The following SNX29 variants were observed in gnomAD, a reference collection of about 807,000 sequenced individuals.
SNX29 encodes the protein sorting nexin-29.
Under a neutral mutation model 102.1 loss-of-function variants are expected in SNX29, and 78 were observed. The observed-to-expected ratio is 0.76, with a 90% confidence interval of 0.64 to 0.92. The LOEUF (loss-of-function observed/expected upper bound fraction) is 0.92. Among genes scored for constraint, SNX29 ranks in the 40% least tolerant of loss-of-function variants. The pLI is 0.00. For synonymous variants in SNX29, 580 were observed against 414.5 expected, an observed-to-expected ratio of 1.40 and a Z score of -4.85; for missense variants, 1,280 against 1,061.7, an observed-to-expected ratio of 1.21 and a Z score of -2.86.
intron 20 of SNX29, among the ~76,000 whole-genome samples, chr16:12,538,370 G>A (rs532731605): frequency 2.0e-4 from 30 of 152,280 alleles, no homozygotes; most frequent in South Asian, 6.2e-4. Flanking sequence ...CATTACAGGC[G>A]TGAGCCACCG....
chr16:12,541,201 A>T (rs771437578), intron 20 of SNX29, among the ~76,000 whole-genome samples: 3 of 152,156 alleles, frequency 2.0e-5, no homozygotes, highest in Non-Finnish European at 4.4e-5. Flanking sequence ...CTGAAGTATT[A>T]TGGAATATTG....
intron 20 of SNX29, among the ~76,000 whole-genome samples, chr16:12,558,236 C>CA (rs1026114654): frequency 7.4e-5 from 1 of 13,450 alleles, no homozygotes; most frequent in African/African-American, 3.5e-4. Flanking sequence ...CTTCAGCCCC[C>CA]CCAGTAGATG....
intron 15 of SNX29, among the ~76,000 whole-genome samples, chr16:12,338,931 G>C (rs953759606): frequency 2.6e-5 from 4 of 152,236 alleles, no homozygotes; most frequent in Non-Finnish European, 5.9e-5. Context: ...CTGCCCTGCA[G>C]CTTAGAGTCC....
At chr16:12,064,353 A>G (rs894940421) in intron 9 of SNX29, among the ~76,000 whole-genome samples, 1 of 152,098 alleles carries the variant, frequency 6.6e-6, no homozygotes, top group African/African-American at 2.4e-5. Flanking sequence ...GTGTCCAGGG[A>G]ACGTAGCTCC....
intron 5 of SNX29, among the ~76,000 whole-genome samples, chr16:12,045,931 G>A (rs1451198513): frequency 6.6e-6 from 1 of 152,012 alleles, no homozygotes; most frequent in East Asian, 1.9e-4. Context: ...GCCAAGGCAG[G>A]CATTATATTA....
intron 11 of SNX29, among the ~76,000 whole-genome samples, chr16:12,116,500 C>T (rs887741699): frequency 6.6e-6 from 1 of 152,170 alleles, no homozygotes; most frequent in Admixed American, 6.6e-5. Context: ...TGGTGAACGT[C>T]ATCTCTACTT....
At chr16:12,345,053 T>C (rs2081749957) in intron 15 of SNX29, among the ~76,000 whole-genome samples, 1 of 152,228 alleles carries the variant, frequency 6.6e-6, no homozygotes, top group Non-Finnish European at 1.5e-5. Context: ...CTTTTTCCGC[T>C]GACCCTCCCA....
Position 12,568,956 on chromosome 16 carries a change from G to T in SNX29, c.*327G>T, listed in dbSNP as rs2079125126. On this transcript the variant is annotated 3_prime_UTR_variant, in exon 21 of 21. Coordinates refer to ENST00000566228, the MANE Select transcript of SNX29 (RefSeq NM_032167.5). ...TGGCAGGAGGGTGGGCACCAGGTCA[G>T]GCTGGGTGCGCCATGGTTGAGAGGC... 2 of 381,704 alleles carry T rather than the reference G, an allele frequency of 5.2e-6. No homozygotes were observed. Among genetic ancestry groups the T allele is most frequent in the Admixed American group, 4.4e-5 (1 of 22,852 alleles). The allele number at this position is 381,704 out of a possible 1,614,324, so 23.6% of individuals were successfully genotyped here. A position where few individuals can be genotyped will look rare whatever the true frequency, so the allele number is the denominator to read the frequency against.
At chr16:12,519,298 G>A (rs2090001514) in intron 19 of SNX29, among the ~76,000 whole-genome samples, 1 of 152,204 alleles carries the variant, frequency 6.6e-6, no homozygotes, top group Admixed American at 6.5e-5. Context: ...CAGAACCCAG[G>A]TGATCGCAGG....
chr16:12,050,700 C>G (rs1483106296), intron 7 of SNX29, among the ~76,000 whole-genome samples: 1 of 152,030 alleles, frequency 6.6e-6, no homozygotes, highest in Non-Finnish European at 1.5e-5. Flanking sequence ...AGAACTCACA[C>G]AGTGTTATTT....
At chr16:12,565,964 G>A (rs900614693) in intron 20 of SNX29, among the ~76,000 whole-genome samples, 31 of 152,104 alleles carry the variant, frequency 2.0e-4, no homozygotes, top group African/African-American at 6.8e-4. Flanking sequence ...CAATGACACT[G>A]TGGCTTTCCA....
rs768441275 is a variant in SNX29, at chr16:12,061,587, T to C, written c.1184T>C (p.Leu395Pro). The C allele has an allele frequency of 6.2e-7, 1 of 1,612,024 alleles. No individual in the cohort carries two copies. The highest frequency in any genetic ancestry group is 8.5e-7 in the Non-Finnish European group (1 of 1,179,314). ...QMHSWAPLKV[L>P]HNDSDILFPV... Reference sequence around the variant, plus strand: ...CACAGCTGGGCTCCGCTGAAGGTGCTGCACAATGACTCCGACATCCTCTTC... The same window carrying C: ...CACAGCTGGGCTCCGCTGAAGGTGCCGCACAATGACTCCGACATCCTCTTC... Residue 395 changes from leucine (L) to proline (P), a missense_variant, in exon 9 of 21, where the codon CTG becomes CCG. By Grantham distance (98) the Leu-to-Pro change is moderately conservative. Transcript: ENST00000566228.
chr16:12,555,485 C>A (rs117203362), intron 20 of SNX29, among the ~76,000 whole-genome samples: 1 of 151,062 alleles, frequency 6.6e-6, no homozygotes, highest in African/African-American at 2.5e-5. Flanking sequence ...GGACGTCTTT[C>A]GTTGTGGGGA....
intron 18 of SNX29, among the ~76,000 whole-genome samples, chr16:12,428,461 A>T (rs534486967): frequency 9.8e-5 from 15 of 152,360 alleles, no homozygotes; most frequent in African/African-American, 3.4e-4. Flanking sequence ...CTTTATAGAA[A>T]ATTCAGAAAA....
intron 16 of SNX29, among the ~76,000 whole-genome samples, chr16:12,384,236 C>T (rs926531067): frequency 2.1e-4 from 32 of 152,144 alleles, no homozygotes; most frequent in African/African-American, 7.7e-4. Context: ...GGTATATACC[C>T]AGCAGTGGGA....
At position 12,152,841 on chromosome 16, in the gene SNX29, G is replaced by T. The variant is rs2055356366; in HGVS notation, c.1595+23083G>T. Among the ~76,000 whole-genome samples, 3 of 152,322 alleles carry T rather than the reference G, an allele frequency of 2.0e-5. 1 individual carries two copies. The South Asian group carries it at 6.2e-4, about 32-fold the overall frequency. ...ACATAGGTCAGCTAAGTTAATCGTC[G>T]TGGTTGCCAGTGAGCAAGGTCCTTT... On this transcript the variant is annotated intron_variant, in intron 13 of 20. Transcript: ENST00000566228.
intron 19 of SNX29, among the ~76,000 whole-genome samples, chr16:12,496,408 C>T (rs2088825535): frequency 6.6e-6 from 1 of 151,834 alleles, no homozygotes; most frequent in African/African-American, 2.4e-5. Flanking sequence ...CTCGTTGCAA[C>T]CATTGTGAGG....
chr16:12,251,003 C>A (rs2078404396), intron 14 of SNX29, among the ~76,000 whole-genome samples: 1 of 152,242 alleles, frequency 6.6e-6, no homozygotes, highest in African/African-American at 2.4e-5. Flanking sequence ...TCCACGATGG[C>A]CCCCTTCTTC....
chr16:12,020,381 G>C (rs2056982445), intron 3 of SNX29, among the ~76,000 whole-genome samples: 1 of 151,816 alleles, frequency 6.6e-6, no homozygotes, highest in African/African-American at 2.4e-5. Context: ...TTATTTTTTA[G>C]AATAGAGATG....
Sources: allele counts gnomAD v4.1 joint callset (sites outside exome capture counted in the v4.1 genomes callset), GRCh38; gene constraint gnomAD v4.1.1; transcripts MANE v1.5; gene names NCBI Gene and HGNC (gene_info 2026-07-23, HGNC 2026-07-21).